The following HECW1 variants were observed in gnomAD, a reference collection of about 807,000 sequenced individuals.
HECW1 encodes E3 ubiquitin-protein ligase HECW1.
In HECW1, 61 loss-of-function variants were observed where a neutral mutation model predicts 182.3. The observed-to-expected ratio is 0.33, with a 90% CI of 0.27 to 0.41. HECW1 has a LOEUF of 0.41. HECW1 is among the 10% of genes least tolerant of loss of function. The pLI is 1.00. For missense variants in HECW1, 1,739 were observed against 2,108.9 expected, an observed-to-expected ratio of 0.82 and a Z score of 3.44; for synonymous variants, 859 against 832.6, an observed-to-expected ratio of 1.03 and a Z score of -0.55.
intron 17 of HECW1, among the ~76,000 whole-genome samples, chr7:43,485,813 T>C (rs2078610036): frequency 6.6e-6 from 1 of 152,222 alleles, no homozygotes; most frequent in African/African-American, 2.4e-5. Flanking sequence ...AGGACATTAC[T>C]GTACACTAAT....
At chr7:43,540,765 G>A (rs2081335999) in intron 24 of HECW1, among the ~76,000 whole-genome samples, 1 of 152,154 alleles carries the variant, frequency 6.6e-6, no homozygotes, top group Non-Finnish European at 1.5e-5. Flanking sequence ...TGCTTGAATG[G>A]GTAAGGACGC....
chr7:43,265,987 C>G (rs947722723), intron 3 of HECW1, among the ~76,000 whole-genome samples: 9 of 152,042 alleles, frequency 5.9e-5, no homozygotes, highest in Non-Finnish European at 1.2e-4. Flanking sequence ...GGTGCACCAC[C>G]CTCCCAGCAC....
intron 5 of HECW1, among the ~76,000 whole-genome samples, chr7:43,332,406 C>T (rs1039367873): frequency 1.4e-4 from 21 of 152,166 alleles, no homozygotes; most frequent in Non-Finnish European, 1.3e-4. Flanking sequence ...CCCAGGCATG[C>T]GCACAGGCCA....
chr7:43,121,045 A>T (rs1785554121), intron 2 of HECW1, among the ~76,000 whole-genome samples: 1 of 152,086 alleles, frequency 6.6e-6, no homozygotes, highest in African/African-American at 2.4e-5. Flanking sequence ...TTTTCCATGC[A>T]CTATTTTTCC....
At chr7:43,327,578 C>T (rs1810956811) in intron 5 of HECW1, among the ~76,000 whole-genome samples, 2 of 152,160 alleles carry the variant, frequency 1.3e-5, no homozygotes, top group African/African-American at 4.8e-5. Context: ...CTCCATAAAC[C>T]TACCTCTGGT....
chr7:43,139,029 A>G (rs1465492742), intron 2 of HECW1, among the ~76,000 whole-genome samples: 2 of 152,126 alleles, frequency 1.3e-5, no homozygotes, highest in Admixed American at 1.3e-4. Context: ...GTATTTTAGC[A>G]TTGTTTTAAC....
chr7:43,230,929 C>T (rs906546151), intron 2 of HECW1, among the ~76,000 whole-genome samples: 2 of 152,174 alleles, frequency 1.3e-5, no homozygotes, highest in African/African-American at 4.8e-5. Flanking sequence ...GGTTGCAGCT[C>T]TTCCAAGCAT....
intron 2 of HECW1, among the ~76,000 whole-genome samples, chr7:43,237,974 T>C (rs1798541100): frequency 6.6e-6 from 1 of 152,204 alleles, no homozygotes; most frequent in Non-Finnish European, 1.5e-5. Context: ...GTGAAGCCTG[T>C]ATCCTTTGCA....
chr7:43,551,283 A>C (rs1394948107), intron 27 of HECW1, among the ~76,000 whole-genome samples: 1 of 152,166 alleles, frequency 6.6e-6, no homozygotes, highest in Non-Finnish European at 1.5e-5. Context: ...CAGAACCCTA[A>C]CAAAACAAGT....
At chr7:43,116,374 C>T (rs1785050461) in intron 2 of HECW1, among the ~76,000 whole-genome samples, 1 of 152,190 alleles carries the variant, frequency 6.6e-6, no homozygotes, top group African/African-American at 2.4e-5. Context: ...ACGTGAGCAC[C>T]CTTCTGCCCA....
chr7:43,264,299 C>CT (rs1447605239), intron 3 of HECW1, among the ~76,000 whole-genome samples: 1 of 152,126 alleles, frequency 6.6e-6, no homozygotes, highest in African/African-American at 2.4e-5. Context: ...GTGAATTTGA[C>CT]TTTTTTAGAT....
Position 43,206,798 on chromosome 7 carries a change from G to A in HECW1, c.-31-37077G>A, listed in dbSNP as rs530052596. ...CTCTTCAGATGGTTTCTTAAATCCA[G>A]TTCACTTCTAGATTCAGTATTCTTT... On this transcript the variant is annotated intron_variant, in intron 2 of 29. Coordinates refer to ENST00000395891, the MANE Select transcript of HECW1 (RefSeq NM_015052.5). Among the ~76,000 whole-genome samples the A allele has an allele frequency of 3.3e-5, 5 of 152,262 alleles. No individual in the cohort carries two copies. The East Asian group carries it at 9.6e-4, about 29-fold the overall frequency.
intron 3 of HECW1, among the ~76,000 whole-genome samples, chr7:43,255,628 T>C (rs1257842734): frequency 6.7e-6 from 1 of 150,260 alleles, no homozygotes; most frequent in Admixed American, 6.6e-5. Context: ...ATTTATTCAA[T>C]AAATATGTAT....
intron 5 of HECW1, among the ~76,000 whole-genome samples, chr7:43,325,910 C>A (rs1188067876): frequency 6.6e-6 from 1 of 152,230 alleles, no homozygotes; most frequent in Non-Finnish European, 1.5e-5. Context: ...CTTTTTAGCA[C>A]CTCATTTTAA....
At chr7:43,216,628 G>T (rs1489564647) in intron 2 of HECW1, among the ~76,000 whole-genome samples, 1 of 151,580 alleles carries the variant, frequency 6.6e-6, no homozygotes, top group African/African-American at 2.4e-5. Flanking sequence ...CCCACATCCT[G>T]CTTCCCTTTA....
intron 3 of HECW1, among the ~76,000 whole-genome samples, chr7:43,292,401 G>A (rs1038508806): frequency 6.6e-6 from 1 of 152,196 alleles, no homozygotes; most frequent in Non-Finnish European, 1.5e-5. Flanking sequence ...TGTATCACAA[G>A]GCCCCTGGAA....
At chr7:43,525,906 G>A (rs1303753902) in intron 24 of HECW1, among the ~76,000 whole-genome samples, 4 of 152,146 alleles carry the variant, frequency 2.6e-5, no homozygotes, top group Admixed American at 1.3e-4. Flanking sequence ...AGGCTACACT[G>A]GCTGTCCCTA....
chr7:43,389,331 G>A (rs776281162), intron 6 of HECW1, among the ~76,000 whole-genome samples: 10 of 152,202 alleles, frequency 6.6e-5, no homozygotes, highest in Non-Finnish European at 1.2e-4. Context: ...CAGTCCTTCT[G>A]GGGGTGGGCC....
rs559027725 is a variant in HECW1, at chr7:43,500,620, A to G, written c.3438-79A>G. On this transcript the variant is annotated intron_variant, in intron 19 of 29. Coordinates refer to ENST00000395891, the MANE Select transcript of HECW1 (RefSeq NM_015052.5). ...GCTATTCAGCAGTATTGGAAGAGGA[A>G]ATAAGAGATCAGAAGAAAATGTATT... The G allele has an allele frequency of 1.2e-5, 13 of 1,127,236 alleles. No individual in the cohort carries two copies. In the African/African-American group the frequency reaches 2.0e-4, roughly 17 times the overall value. The allele number at this position is 1,127,236 out of a possible 1,614,324, so 69.8% of individuals were successfully genotyped here. A position where few individuals can be genotyped will look rare whatever the true frequency, so the allele number is the denominator to read the frequency against.
Sources: gnomAD v4.1 joint callset for allele counts (sites outside exome capture counted in the v4.1 genomes callset) on GRCh38, gnomAD v4.1.1 for gene constraint, MANE v1.5 for transcripts, NCBI Gene and HGNC (gene_info 2026-07-23, HGNC 2026-07-21) for gene names.